Variants in GPM6A observed in about 807,000 individuals in gnomAD.
GPM6A encodes the protein glycoprotein M6A, also known as neuronal membrane glycoprotein M6-a.
GPM6A carries 7 observed loss-of-function variants against 32.1 expected under a neutral mutation model. The ratio of observed to expected loss-of-function variants is 0.22; its 90% confidence interval spans 0.12 to 0.41. The LOEUF is 0.41. Ranked by LOEUF, GPM6A falls within the 10% of genes least tolerant of loss-of-function variation. The pLI is 1.00. For missense variants in GPM6A, 235 were observed against 347.2 expected (o/e 0.68, Z 2.57); for synonymous variants, 130 against 123.4 (o/e 1.05, Z -0.35).
At chr4:175,665,023 C>A (rs1180639792) in intron 3 of GPM6A, among the ~76,000 whole-genome samples, 1 of 152,140 alleles carries the variant, frequency 6.6e-6, no homozygotes, top group African/African-American at 2.4e-5. Context: ...CTAAACATAT[C>A]TAACCATAGA....
chr4:175,849,669 C>T (rs1736193246), intron 1 of GPM6A, among the ~76,000 whole-genome samples: 1 of 152,108 alleles, frequency 6.6e-6, no homozygotes, highest in Non-Finnish European at 1.5e-5. Context: ...ATTTGCCAAT[C>T]TTATAACTTT....
Position 175,994,498 on chromosome 4 carries a change from C to A in GPM6A, c.-23+7811G>T, listed in dbSNP as rs192592593. ...AGTTATGTTTACACTATGCTAAATT[C>A]TATAAAGTGTGCAATAGCATTATGT... On this transcript the variant is annotated intron_variant, in intron 1 of 7. Transcript: ENST00000280187. Among the ~76,000 whole-genome samples, 376 of 152,234 alleles carry A rather than the reference C, an allele frequency of 2.5e-3. 2 individuals are homozygous for A. The highest frequency in any genetic ancestry group is 8.5e-3 in the African/African-American group (354 of 41,530).
intron 3 of GPM6A, among the ~76,000 whole-genome samples, chr4:175,655,539 T>G (rs1350146841): frequency 6.6e-6 from 1 of 152,072 alleles, no homozygotes. Context: ...TTAAATAAAT[T>G]AATAAGCTGC....
At chr4:175,833,957 C>T (rs1278669485) in intron 1 of GPM6A, among the ~76,000 whole-genome samples, 1 of 152,016 alleles carries the variant, frequency 6.6e-6, no homozygotes, top group Non-Finnish European at 1.5e-5. Flanking sequence ...CAAGTCCTTC[C>T]AGAGAAGTGC....
intron 4 of GPM6A, among the ~76,000 whole-genome samples, chr4:175,646,937 C>T (rs1422496091): frequency 3.3e-5 from 5 of 152,322 alleles, no homozygotes; most frequent in Admixed American, 3.3e-4. Flanking sequence ...TCCCATCCAC[C>T]TCGGCTGCAG....
At chr4:175,877,633 T>C (rs912738188) in intron 1 of GPM6A, among the ~76,000 whole-genome samples, 4 of 152,150 alleles carry the variant, frequency 2.6e-5, no homozygotes. Flanking sequence ...ACCATCTCCA[T>C]GATTCAGTTA....
chr4:175,725,343 G>T (rs375463600), intron 1 of GPM6A, among the ~76,000 whole-genome samples: 1 of 150,272 alleles, frequency 6.7e-6, no homozygotes, highest in African/African-American at 2.5e-5. Context: ...CCAGGCTGGA[G>T]TGCAGTGGCG....
chr4:175,745,291 C>A (rs935382180), intron 1 of GPM6A, among the ~76,000 whole-genome samples: 3 of 152,140 alleles, frequency 2.0e-5, no homozygotes, highest in African/African-American at 4.8e-5. Flanking sequence ...TATTATTCAG[C>A]AGTAGCTTAA....
intron 1 of GPM6A, among the ~76,000 whole-genome samples, chr4:175,980,738 C>A (rs550346050): frequency 9.2e-5 from 14 of 152,118 alleles, no homozygotes; most frequent in Middle Eastern, 3.4e-3. Flanking sequence ...AGTGATGTGA[C>A]GACTGAAAAG....
chr4:175,696,308 G>C (rs1744574951), intron 2 of GPM6A, among the ~76,000 whole-genome samples: 1 of 152,176 alleles, frequency 6.6e-6, no homozygotes, highest in African/African-American at 2.4e-5. Flanking sequence ...AGGTAAGAAA[G>C]CTGGAAAGAA....
In GPM6A at chr4:175,634,730, A is replaced by G; in HGVS notation, c.*175T>C. ...AAGATCTGATTTACATCAATTTAAT[A>G]AATTGGGAAATTTAAGTGCTAAACA... On this transcript the variant is annotated 3_prime_UTR_variant, in exon 7 of 7. Transcript: ENST00000393658. 1 of 513,676 alleles carries G rather than the reference A, an allele frequency of 1.9e-6. No individual in the cohort carries two copies. Among genetic ancestry groups the G allele is most frequent in the Non-Finnish European group, 3.4e-6 (1 of 293,808 alleles). 31.8% of individuals were successfully genotyped at this position (513,676 alleles called of 1,614,324 possible).
At chr4:175,877,364 C>A (rs1213517518) in intron 1 of GPM6A, among the ~76,000 whole-genome samples, 2 of 152,144 alleles carry the variant, frequency 1.3e-5, no homozygotes, top group African/African-American at 2.4e-5. Flanking sequence ...CAAGCAAAGG[C>A]AGTTAAGCAT....
intron 1 of GPM6A, among the ~76,000 whole-genome samples, chr4:175,803,204 T>TCAG (rs1414198706): frequency 5.7e-5 from 8 of 141,184 alleles, no homozygotes; most frequent in Non-Finnish European, 7.9e-5. Flanking sequence ...ATCATCATCA[T>TCAG]CAGCTATGAA....
intron 1 of GPM6A, among the ~76,000 whole-genome samples, chr4:175,716,456 A>C (rs988682388): frequency 6.7e-6 from 1 of 149,442 alleles, no homozygotes; most frequent in Non-Finnish European, 1.5e-5. Flanking sequence ...TTCCTGTATT[A>C]TACTATAATC....
chr4:175,743,599 T>C (rs1731977314), intron 1 of GPM6A, among the ~76,000 whole-genome samples: 1 of 151,892 alleles, frequency 6.6e-6, no homozygotes, highest in Non-Finnish European at 1.5e-5. Context: ...CAAATGTGTC[T>C]GAAATAAAAA....
chr4:175,673,949 T>C (rs1743223588), intron 2 of GPM6A, 113 bp from the exon 3 acceptor site: 1 of 666,892 alleles, frequency 1.5e-6, no homozygotes, highest in Non-Finnish European at 2.4e-6. Context: ...AATATTTATA[T>C]TCATAATGAA....
At chr4:175,771,301 G>A (rs555343557) in intron 1 of GPM6A, among the ~76,000 whole-genome samples, 3 of 152,166 alleles carry the variant, frequency 2.0e-5, no homozygotes, top group East Asian at 1.9e-4. Flanking sequence ...GGCCAGGCGC[G>A]GTGGCTGTTG....
chr4:175,939,555 A>G (rs755041749), intron 1 of GPM6A, among the ~76,000 whole-genome samples: 8 of 152,202 alleles, frequency 5.3e-5, no homozygotes, highest in Non-Finnish European at 7.3e-5. Flanking sequence ...CTCTTCACCA[A>G]TTTAAATGGC....
intron 1 of GPM6A, among the ~76,000 whole-genome samples, chr4:175,737,240 AATCT>A (rs1429636554): frequency 6.6e-6 from 1 of 152,160 alleles, no homozygotes; most frequent in Non-Finnish European, 1.5e-5. Flanking sequence ...GAGACTGGGC[AATCT>A]ATAAAGAAAA....
Sources: allele counts gnomAD v4.1 joint callset (sites outside exome capture counted in the v4.1 genomes callset), GRCh38; gene constraint gnomAD v4.1.1; transcripts MANE v1.5; gene names NCBI Gene and HGNC (gene_info 2026-07-23, HGNC 2026-07-21).